PTPRD: variants seen among roughly 807,000 people sequenced by gnomAD.
The protein encoded by PTPRD is protein tyrosine phosphatase receptor type D.
Under a neutral mutation model 214.5 loss-of-function variants are expected in PTPRD, and 34 were observed. The ratio of observed to expected loss-of-function variants is 0.16; its 90% CI spans 0.12 to 0.21. The LOEUF (loss-of-function observed/expected upper bound fraction) is 0.21. Ranked by LOEUF, PTPRD falls within the 10% of genes least tolerant of loss-of-function variation. PTPRD has a pLI of 1.00. For synonymous variants in PTPRD, 1,128 were observed against 845.7 expected (o/e 1.33, Z -5.79); for missense variants, 2,545 against 2,398.7 (o/e 1.06, Z -1.27).
intron 10 of PTPRD, among the ~76,000 whole-genome samples, chr9:9,075,589 T>G (rs2099749850): frequency 6.6e-6 from 1 of 151,882 alleles, no homozygotes; most frequent in Non-Finnish European, 1.5e-5. Context: ...GGCCCTGATG[T>G]GTGATGTTCC....
At chr9:9,004,012 T>C (rs2099439840) in intron 11 of PTPRD, among the ~76,000 whole-genome samples, 1 of 152,062 alleles carries the variant, frequency 6.6e-6, no homozygotes. Context: ...ATTTGCTGCA[T>C]TGCAAAGACC....
At chr9:9,455,587 G>T (rs973966011) in intron 8 of PTPRD, among the ~76,000 whole-genome samples, 1 of 151,524 alleles carries the variant, frequency 6.6e-6, no homozygotes, top group Non-Finnish European at 1.5e-5. Context: ...TCATTACTCA[G>T]CTGTGTTAAT....
At chr9:10,182,117 G>C (rs1014172372) in intron 3 of PTPRD, among the ~76,000 whole-genome samples, 17 of 149,482 alleles carry the variant, frequency 1.1e-4, no homozygotes, top group African/African-American at 4.2e-4. Flanking sequence ...AAAAAAATCC[G>C]GGTGTGGTGG....
chr9:8,790,218 G>C (rs779720025), intron 11 of PTPRD, among the ~76,000 whole-genome samples: 1 of 151,672 alleles, frequency 6.6e-6, no homozygotes, highest in Non-Finnish European at 1.5e-5. Context: ...ATCTCACTAC[G>C]TTGCCCAGAC....
chr9:9,819,066 T>A (rs966727093), intron 5 of PTPRD, among the ~76,000 whole-genome samples: 12 of 152,174 alleles, frequency 7.9e-5, no homozygotes, highest in African/African-American at 2.9e-4. Context: ...AAATGTTCCC[T>A]GATAGGTAGC....
chr9:9,775,775 C>T (rs911602750), intron 5 of PTPRD, among the ~76,000 whole-genome samples: 1 of 151,978 alleles, frequency 6.6e-6, no homozygotes, highest in Non-Finnish European at 1.5e-5. Flanking sequence ...AACCCAGTCT[C>T]TACTGAAAAT....
At chr9:9,846,411 T>C (rs183848456) in intron 5 of PTPRD, among the ~76,000 whole-genome samples, 350 of 152,262 alleles carry the variant, frequency 2.3e-3, no homozygotes, top group African/African-American at 7.8e-3. Flanking sequence ...ATAGCTACAC[T>C]CTCGAGACTT....
rs997147127 is a variant in PTPRD, at chr9:10,589,222, A to C, written c.-600+23176T>G. Among the ~76,000 whole-genome samples, 8 of 152,168 alleles carry C rather than the reference A, an allele frequency of 5.3e-5. No individual in the cohort carries two copies. The East Asian group carries it at 1.2e-3, about 22-fold the overall frequency. ...AAATGTCTGTGTGGGTCAGATAAAC[A>C]GGTCAAAAAGATCTGGAGAAACCTT... On this transcript the variant is annotated intron_variant, in intron 2 of 45. Coordinates refer to ENST00000381196, the MANE Select transcript of PTPRD (RefSeq NM_002839.4).
At chr9:8,984,513 T>C (rs2099329527) in intron 11 of PTPRD, among the ~76,000 whole-genome samples, 1 of 152,110 alleles carries the variant, frequency 6.6e-6, no homozygotes, top group Non-Finnish European at 1.5e-5. Context: ...AATTATGAGC[T>C]GTTCTGAAAC....
intron 3 of PTPRD, among the ~76,000 whole-genome samples, chr9:10,143,437 T>C (rs905012665): frequency 6.6e-6 from 1 of 151,910 alleles, no homozygotes; most frequent in African/African-American, 2.4e-5. Context: ...CTGGAGAAAA[T>C]GGAACACTTG....
At chr9:9,765,850 G>C (rs1403501062) in intron 6 of PTPRD, among the ~76,000 whole-genome samples, 1 of 151,970 alleles carries the variant, frequency 6.6e-6, no homozygotes, top group African/African-American at 2.4e-5. Context: ...TTTTAGTAGA[G>C]ACGGGGTTTC....
intron 5 of PTPRD, among the ~76,000 whole-genome samples, chr9:9,829,914 G>C (rs577703599): frequency 6.6e-6 from 1 of 151,668 alleles, no homozygotes; most frequent in African/African-American, 2.4e-5. Context: ...AATAATCATA[G>C]AACTCATATT....
At chr9:9,372,373 T>C (rs765989289) in intron 9 of PTPRD, among the ~76,000 whole-genome samples, 1 of 152,324 alleles carries the variant, frequency 6.6e-6, no homozygotes, top group South Asian at 2.1e-4. Context: ...TGTAATGGCC[T>C]TCTTTGTCTC....
chr9:8,455,646 C>T (rs956463240), intron 33 of PTPRD, among the ~76,000 whole-genome samples: 15 of 152,164 alleles, frequency 9.9e-5, no homozygotes, highest in Non-Finnish European at 2.1e-4. Context: ...TACAAACACA[C>T]ACATACAAAG....
At chr9:10,146,909 G>A (rs2099026588) in intron 3 of PTPRD, among the ~76,000 whole-genome samples, 1 of 152,102 alleles carries the variant, frequency 6.6e-6, no homozygotes, top group Non-Finnish European at 1.5e-5. Context: ...AAGCTCAATA[G>A]GGACATGAAT....
intron 9 of PTPRD, among the ~76,000 whole-genome samples, chr9:9,352,052 C>G (rs142607015): frequency 1.3e-5 from 2 of 151,990 alleles, no homozygotes; most frequent in Admixed American, 6.6e-5. Flanking sequence ...AAGGAATCCT[C>G]CTGCCTTGAC....
chr9:8,424,448 A>G (rs989861000), intron 35 of PTPRD, among the ~76,000 whole-genome samples: 2 of 152,162 alleles, frequency 1.3e-5, no homozygotes, highest in Admixed American at 1.3e-4. Flanking sequence ...GGAGACTAAC[A>G]GTACCTACCT....
rs151185305 is a variant in PTPRD at position 9,315,401 on chromosome 9, G to C, written c.-203+82048C>G. On this transcript the variant is annotated intron_variant, in intron 9 of 45. Coordinates refer to ENST00000381196, the MANE Select transcript of PTPRD (RefSeq NM_002839.4). ...ACAAAGTAGATATTACTATATGCCAGTAAGTTAAACACTTATCTAGGATAA... is the reference window on the plus strand; with the variant it reads ...ACAAAGTAGATATTACTATATGCCACTAAGTTAAACACTTATCTAGGATAA... 2.8e-3 allele frequency among the ~76,000 whole-genome samples: 422 copies of C among 152,044 alleles called. 1 individual carries two copies. Among genetic ancestry groups the C allele is most frequent in the African/African-American group, 9.7e-3 (402 of 41,516 alleles).
intron 12 of PTPRD, among the ~76,000 whole-genome samples, chr9:8,676,378 A>ATTTTT (rs559455727): frequency 1.8e-5 from 2 of 111,634 alleles, no homozygotes; most frequent in African/African-American, 6.7e-5. Flanking sequence ...GCTCATTTTC[A>ATTTTT]TTTTTTTTTT....
Sources: gnomAD v4.1 joint callset for allele counts (sites outside exome capture counted in the v4.1 genomes callset) on GRCh38, gnomAD v4.1.1 for gene constraint, MANE v1.5 for transcripts, NCBI Gene and HGNC (gene_info 2026-07-23, HGNC 2026-07-21) for gene names.